Variants in LPIN2 observed in about 807,000 individuals in gnomAD.
LPIN2 encodes the protein lipin 2.
Under a neutral mutation model 111.4 loss-of-function variants are expected in LPIN2, and 55 were observed. The ratio of observed to expected loss-of-function variants is 0.49; its 90% CI spans 0.40 to 0.62. LPIN2 has a LOEUF of 0.62. Among genes scored for constraint, LPIN2 ranks in the 20% least tolerant of loss-of-function variants. LPIN2 has a pLI of 0.00. For missense variants in LPIN2, 992 were observed against 1,112.1 expected, an observed-to-expected ratio of 0.89 and a Z score of 1.54; for synonymous variants, 425 against 414.0, an observed-to-expected ratio of 1.03 and a Z score of -0.32.
intron 19 of LPIN2, among the ~76,000 whole-genome samples, 165 bp downstream of exon 19, chr18:2,920,613 C>A (rs191221456): frequency 2.0e-5 from 3 of 152,212 alleles, no homozygotes; most frequent in Non-Finnish European, 4.4e-5. Context: ...AACCAGAGAC[C>A]CCTCAAACAG....
At chr18:2,946,033 T>C (rs1186147591) in intron 4 of LPIN2, 34 of 1,406,108 alleles carry the variant, frequency 2.4e-5, no homozygotes, top group Non-Finnish European at 3.0e-5. Flanking sequence ...TTCTAGACTC[T>C]CTAGACCCCG....
intron 2 of LPIN2, among the ~76,000 whole-genome samples, chr18:2,958,173 A>AAAAAAAAAAAAAAAAAAAAAAAAAT (rs2077650874): frequency 7.9e-6 from 1 of 126,256 alleles, no homozygotes; most frequent in Admixed American, 8.1e-5. Context: ...AAAAAAAAAA[A>AAAAAAAAAAAAAAAAAAAAAAAAAT]CAGAAAAAAG....
At chr18:2,998,684 A>AT (rs11407306) in intron 1 of LPIN2, among the ~76,000 whole-genome samples, 137,564 of 150,936 alleles carry the variant, frequency 0.91, 63,527 homozygotes, top group East Asian at 1. Context: ...TACATGACAG[A>AT]TTTTTTTTTA....
intron 9 of LPIN2, 71 bp from the exon 10 acceptor site, chr18:2,929,229 T>C: frequency 6.2e-6 from 6 of 972,684 alleles, no homozygotes; most frequent in Non-Finnish European, 8.2e-6. Context: ...TAATACTCTC[T>C]GCATTGCAGA....
intron 7 of LPIN2, 134 bp downstream of exon 7, chr18:2,937,544 TAAAAAAAAAAAAAA>T (rs71366618): frequency 8.1e-5 from 28 of 345,870 alleles, no homozygotes; most frequent in South Asian, 1.3e-4. Context: ...AAACTCCAGC[TAAAAAAAAAAAAAA>T]AAAAAAAAAA....
rs139654849 is a variant in LPIN2, at chr18:2,940,605, G to T, written c.698C>A (p.Thr233Asn). 3.2e-6 allele frequency: 5 copies of T among 1,586,442 alleles called. No individual in the cohort carries two copies. Among genetic ancestry groups the T allele is most frequent in the Non-Finnish European group, 4.3e-6 (5 of 1,155,878 alleles). Residue 233 changes from threonine (T) to asparagine (N), a missense_variant and splice_region_variant, in exon 5 of 20, where the codon ACC becomes AAC. Thr to Asn is a moderately conservative substitution (Grantham distance 65, BLOSUM62 0). This residue lies in a region of LPIN2 where 709 missense variants were observed against 753.2 expected (regional missense o/e 0.94). Transcript: ENST00000677752. ...ACCAAGAAATTTCAAAGATACTTAC[G>T]TCTCTAAAGGGGACCAATCTCCATC... The part of the protein sequence containing the change: ...LSDGDWSPLE[T>N]TYPQTACPKS...
At chr18:2,986,647 G>C (rs906730874) in intron 1 of LPIN2, among the ~76,000 whole-genome samples, 2 of 151,996 alleles carry the variant, frequency 1.3e-5, no homozygotes, top group Non-Finnish European at 2.9e-5. Context: ...AGGATGCTCA[G>C]TGTACACATC....
intron 4 of LPIN2, among the ~76,000 whole-genome samples, chr18:2,943,490 T>C (rs747268413): frequency 4.7e-4 from 72 of 152,130 alleles, no homozygotes; most frequent in Non-Finnish European, 5.4e-4. Context: ...ATGTAACTAA[T>C]CTGAGGTTAC....
chr18:2,966,271 T>C lies in LPIN2; in HGVS notation c.-9-5422A>G, dbSNP rs143049173. ...ATACATTCTAAACCACTATTTTAAG[T>C]GTTTCAAAATCTGTTTCTTAAGTTT... On this transcript the variant is annotated intron_variant, in intron 1 of 19. Transcript: ENST00000677752. Among the ~76,000 whole-genome samples the C allele has an allele frequency of 6.5e-3, 991 of 152,286 alleles. 13 individuals are homozygous for C. Among genetic ancestry groups the C allele is most frequent in the African/African-American group, 0.022 (925 of 41,530 alleles).
intron 4 of LPIN2, among the ~76,000 whole-genome samples, chr18:2,941,698 G>T (rs952409916): frequency 6.6e-6 from 1 of 152,194 alleles, no homozygotes; most frequent in Non-Finnish European, 1.5e-5. Context: ...AGGCCGAGGC[G>T]GGTGGATCAC....
intron 14 of LPIN2, 63 bp from the exon 15 acceptor site, chr18:2,924,609 A>ATC: frequency 6.4e-7 from 1 of 1,560,986 alleles, no homozygotes; most frequent in Non-Finnish European, 8.8e-7. Context: ...CGATTTAAAA[A>ATC]TTTACAGAAC....
chr18:2,923,873 G>A lies in LPIN2; in HGVS notation c.2088-12C>T. On this transcript the variant is annotated splice_polypyrimidine_tract_variant and intron_variant, in intron 15 of 19. Transcript: ENST00000677752. ...CCAAAGCATCCGACCTAAGAAGACG[G>A]TAGAAACAGGAAAAGCTATCAGGAA... 1 of 1,610,138 alleles carries A rather than the reference G, an allele frequency of 6.2e-7. No individual in the cohort carries two copies. Among genetic ancestry groups the A allele is most frequent in the Non-Finnish European group, 8.5e-7 (1 of 1,176,398 alleles).
Position 2,925,084 on chromosome 18 carries a change from C to G in LPIN2, c.1938+140G>C. ...GCTCTTGGGGGCGGCGGTCGTGGTTCCACTGTGGATAGGCATTGACACGAC... is the reference window on the plus strand; with the variant it reads ...GCTCTTGGGGGCGGCGGTCGTGGTTGCACTGTGGATAGGCATTGACACGAC... On this transcript the variant is annotated intron_variant, in intron 14 of 19. Transcript: ENST00000677752. This position sits in a 1 kb window ranked among gnomAD's most constrained non-coding sequence, Gnocchi z 4.1. 1 of 1,171,950 alleles carries G rather than the reference C, an allele frequency of 8.5e-7. No individual in the cohort carries two copies. The highest frequency in any genetic ancestry group is 1.2e-6 in the Non-Finnish European group (1 of 810,606). 72.6% of individuals were successfully genotyped at this position (1,171,950 alleles called of 1,614,324 possible). A position where few individuals can be genotyped will look rare whatever the true frequency, so the allele number is the denominator to read the frequency against.
At chr18:2,974,197 C>T (rs1298350099) in intron 1 of LPIN2, among the ~76,000 whole-genome samples, 1 of 152,184 alleles carries the variant, frequency 6.6e-6, no homozygotes, top group Non-Finnish European at 1.5e-5. Context: ...CTTCCTCAGC[C>T]TCCTCAGTAG....
At chr18:2,961,327 G>A (rs2077709515) in intron 1 of LPIN2, among the ~76,000 whole-genome samples, 1 of 152,162 alleles carries the variant, frequency 6.6e-6, no homozygotes, top group African/African-American at 2.4e-5. Context: ...AAATTAGTGA[G>A]AGCTACATTT....
At chr18:2,951,829 T>C (rs1372037457) in intron 3 of LPIN2, among the ~76,000 whole-genome samples, 1 of 152,200 alleles carries the variant, frequency 6.6e-6, no homozygotes, top group Admixed American at 6.5e-5. Context: ...GAGGATGCAG[T>C]GATACAGAGC....
At chr18:2,964,607 G>A (rs146349097) in intron 1 of LPIN2, among the ~76,000 whole-genome samples, 2 of 106,750 alleles carry the variant, frequency 1.9e-5, no homozygotes, top group African/African-American at 7.0e-5. Flanking sequence ...TGTGAGAATG[G>A]TAAGAAATAA....
intron 9 of LPIN2, 114 bp from the exon 10 acceptor site, chr18:2,929,272 C>A: frequency 1.3e-6 from 1 of 761,716 alleles, no homozygotes; most frequent in Non-Finnish European, 2.2e-6. Flanking sequence ...TCTAAAAAAA[C>A]TAATTTTTGA....
chr18:3,010,500 G>C (rs2078585117), intron 1 of LPIN2, among the ~76,000 whole-genome samples: 1 of 152,126 alleles, frequency 6.6e-6, no homozygotes, highest in Non-Finnish European at 1.5e-5. Context: ...AAGCAGTGAA[G>C]GGTATTGGAG....
Sources: allele counts gnomAD v4.1 joint callset (sites outside exome capture counted in the v4.1 genomes callset), GRCh38; gene constraint gnomAD v4.1.1; regional missense constraint gnomAD v4.1.1; non-coding constraint Gnocchi (gnomAD v3.1); transcripts MANE v1.5; gene names NCBI Gene and HGNC (gene_info 2026-07-23, HGNC 2026-07-21).